Variants in ZNF570 observed in about 807,000 individuals in gnomAD.
ZNF570 encodes the protein zinc finger protein 570.
A neutral mutation model predicts 14.2 loss-of-function variants in ZNF570; 8 were observed. The ratio of observed to expected loss-of-function variants is 0.56; its 90% CI spans 0.33 to 1.02. ZNF570 has a LOEUF of 1.02. Ranked by LOEUF, ZNF570 falls within the 50% of genes least tolerant of loss-of-function variation. The pLI, the probability that ZNF570 is intolerant of heterozygous loss-of-function variation, is 0.03. For synonymous variants in ZNF570, 202 were observed against 207.6 expected, an observed-to-expected ratio of 0.97 and a Z score of 0.23; for missense variants, 559 against 624.9, an observed-to-expected ratio of 0.89 and a Z score of 1.12.
chr19:37,477,238 C>G (rs2042036120), intron 4 of ZNF570, among the ~76,000 whole-genome samples: 1 of 149,660 alleles, frequency 6.7e-6, no homozygotes, highest in African/African-American at 2.5e-5. Flanking sequence ...AAAGGAAAAA[C>G]AGGTTGCATG....
chr19:37,469,654 CTG>C lies in ZNF570; in HGVS notation c.-52+100_-52+101del, dbSNP rs1401166753. ...GTCAATGGCACCGTGGAATGTGAGGCTGTGAGTTGAGGCGGGAGCGGGCGACT... is the reference window on the plus strand; with the variant it reads ...GTCAATGGCACCGTGGAATGTGAGGCTGAGTTGAGGCGGGAGCGGGCGACT... On this transcript the variant is annotated intron_variant, in intron 1 of 4. Transcript: ENST00000330173. The C allele has an allele frequency of 2.3e-6, 3 of 1,284,174 alleles. No homozygotes were observed. The East Asian group carries it at 7.8e-5, about 33-fold the overall frequency. 79.5% of individuals were successfully genotyped at this position (1,284,174 alleles called of 1,614,324 possible).
At chr19:37,476,870 CA>C (rs1459418521) in intron 4 of ZNF570, among the ~76,000 whole-genome samples, 5 of 152,042 alleles carry the variant, frequency 3.3e-5, no homozygotes, top group African/African-American at 1.2e-4. Context: ...CCACCACGCC[CA>C]GCTAATTTTT....
At chr19:37,480,092 C>G (rs2042069633) in intron 4 of ZNF570, among the ~76,000 whole-genome samples, 1 of 152,176 alleles carries the variant, frequency 6.6e-6, no homozygotes, top group Non-Finnish European at 1.5e-5. Flanking sequence ...GTTTTACAAT[C>G]TATTTCTATT....
At chr19:37,480,901 A>T (rs1026394099) in intron 4 of ZNF570, among the ~76,000 whole-genome samples, 3 of 151,934 alleles carry the variant, frequency 2.0e-5, no homozygotes, top group Non-Finnish European at 4.4e-5. Context: ...GTGAGCTGAG[A>T]ACGTGCCACT....
chr19:37,469,428 C>T lies in ZNF570; in HGVS notation c.-181C>T, dbSNP rs1377984604. On this transcript the variant is annotated 5_prime_UTR_variant, in exon 1 of 5. Transcript: ENST00000330173. Reference sequence around the variant, plus strand: ...GCGGTGAGACCCGAGTGCAGATTCCCCGAGCCTTCGGGGCAGGAAGGAGAT... The same window carrying T: ...GCGGTGAGACCCGAGTGCAGATTCCTCGAGCCTTCGGGGCAGGAAGGAGAT... The T allele has an allele frequency of 6.5e-7, 1 of 1,532,942 alleles. No homozygotes were observed. Among genetic ancestry groups the T allele is most frequent in the Admixed American group, 2.0e-5 (1 of 50,842 alleles). 95.0% of individuals were successfully genotyped at this position (1,532,942 alleles called of 1,614,324 possible). A position where few individuals can be genotyped will look rare whatever the true frequency, so the allele number is the denominator to read the frequency against.
chr19:37,470,695 CTTTTTTTTT>C (rs760686313), intron 2 of ZNF570, among the ~76,000 whole-genome samples: 1 of 93,010 alleles, frequency 1.1e-5, no homozygotes, highest in Non-Finnish European at 2.1e-5. Flanking sequence ...CTTATTTATT[CTTTTTTTTT>C]TTTTTTTTTT....
At chr19:37,482,786 A>G (rs527511715) in intron 4 of ZNF570, among the ~76,000 whole-genome samples, 1 of 151,210 alleles carries the variant, frequency 6.6e-6, no homozygotes, top group Non-Finnish European at 1.5e-5. Context: ...AAGGGACCTG[A>G]TGGTTTAAAA....
At chr19:37,468,012 C>G, upstream of ZNF570, 1 of 1,318,972 alleles carries the variant, frequency 7.6e-7, no homozygotes, top group Non-Finnish European at 1.1e-6. Flanking sequence ...TCTAAACAGA[C>G]TTGGCCTTAC....
intron 4 of ZNF570, among the ~76,000 whole-genome samples, chr19:37,476,966 A>G (rs1285895869): frequency 2.0e-5 from 3 of 151,948 alleles, no homozygotes; most frequent in African/African-American, 7.2e-5. Flanking sequence ...TCAGCCTTCC[A>G]AAGTGCTGGC....
chr19:37,477,420 A>G (rs1600382346), intron 4 of ZNF570, among the ~76,000 whole-genome samples: 1 of 148,486 alleles, frequency 6.7e-6, no homozygotes, highest in Non-Finnish European at 1.5e-5. Flanking sequence ...GCTCACTGCA[A>G]CCTCTGCCTC....
At chr19:37,481,958 A>C (rs1042310283) in intron 4 of ZNF570, among the ~76,000 whole-genome samples, 6 of 152,268 alleles carry the variant, frequency 3.9e-5, no homozygotes, top group African/African-American at 1.4e-4. Context: ...TACCAGGAAG[A>C]TTTGTCATTA....
At position 37,487,823 on chromosome 19, in the gene ZNF570, A is replaced by G. The variant is rs1319011499; in HGVS notation, c.*2590A>G. On this transcript the variant is annotated 3_prime_UTR_variant, in exon 5 of 5. Transcript: ENST00000330173. ...TTTCGAATCTATTTGTAGAAACTGC[A>G]TATGATGATGGTTCATACCAGTAGA... The G allele has an allele frequency of 3.3e-5, 5 of 152,202 alleles. No homozygotes were observed. The East Asian group carries it at 7.7e-4, about 23-fold the overall frequency. The allele number at this position is 152,202 out of a possible 1,614,324, so 9.4% of individuals were successfully genotyped here. A position where few individuals can be genotyped will look rare whatever the true frequency, so the allele number is the denominator to read the frequency against.
Position 37,484,260 on chromosome 19 carries a change from C to T in ZNF570, c.638C>T (p.Ala213Val), listed in dbSNP as rs781231832. Residue 213 changes from alanine (A) to valine (V), a missense_variant, in exon 5 of 5, where the codon GCA (alanine) becomes GTA (valine). Transcript: ENST00000330173. ...LMAIKPKSVC[A>V]EKKLLKCNDC... is the part of the protein sequence containing the mutation. ...GCTATTAAGCCCAAGAGTGTCTGTG[C>T]AGAGAAGAAACTTTTGAAATGTAAT... The T allele has an allele frequency of 6.2e-7, 1 of 1,613,370 alleles. No homozygotes were observed. Among genetic ancestry groups the T allele is most frequent in the Non-Finnish European group, 8.5e-7 (1 of 1,179,892 alleles).
At chr19:37,479,312 G>A (rs2042060684) in intron 4 of ZNF570, among the ~76,000 whole-genome samples, 1 of 151,972 alleles carries the variant, frequency 6.6e-6, no homozygotes, top group Non-Finnish European at 1.5e-5. Flanking sequence ...TGAAATTGAA[G>A]GCTTTTGTTT....
chr19:37,476,848 T>G (rs1800180435), intron 4 of ZNF570, among the ~76,000 whole-genome samples: 1 of 151,912 alleles, frequency 6.6e-6, no homozygotes, highest in Admixed American at 6.6e-5. Flanking sequence ...GAGCTGGAAT[T>G]ACAGGCACAT....
rs1282881008 is a variant in ZNF570 at position 37,487,706 on chromosome 19, TG to T, written c.*2474del. ...GCCAAAATGTTTCAGTGGTTTTTTT[TG>T]TTTGTTGTTTTTGTTTTTGTTTTGC... is the stretch of plus-strand genomic sequence containing the variant. On this transcript the variant is annotated 3_prime_UTR_variant, in exon 5 of 5. Transcript: ENST00000330173. 2 of 152,234 alleles carry T rather than the reference TG, an allele frequency of 1.3e-5. No individual in the cohort carries two copies. The highest frequency in any genetic ancestry group is 4.8e-5 in the African/African-American group (2 of 41,462). The allele number at this position is 152,234 out of a possible 1,614,324, so 9.4% of individuals were successfully genotyped here. A position where few individuals can be genotyped will look rare whatever the true frequency, so the allele number is the denominator to read the frequency against.
upstream of ZNF570, chr19:37,469,165 G>A (rs2041907084): frequency 8.6e-7 from 1 of 1,167,894 alleles, no homozygotes; most frequent in Non-Finnish European, 1.1e-6. Flanking sequence ...CTGGAAGGCC[G>A]GGGAGAGGCC....
intron 1 of ZNF570, 36 bp from the exon 2 acceptor site, chr19:37,470,268 A>G (rs2146999723): frequency 1.3e-6 from 2 of 1,597,532 alleles, no homozygotes; most frequent in East Asian, 4.5e-5. Flanking sequence ...TGCTGCAAGA[A>G]AAGTCTAGTT....
chr19:37,483,973 C>T lies in ZNF570; in HGVS notation c.351C>T (p.Ser117=), dbSNP rs2042116204. The part of the protein sequence containing the change: ...QSQKIIETLT[S]YNLEYSSLRE... ...AGAAGATAATAGAAACACTTACAAG[C>T]TATAACCTTGAATACTCCAGTTTGA... is the stretch of plus-strand genomic sequence containing the variant. Residue 117 remains serine, a synonymous_variant, in exon 5 of 5, where the codon AGC becomes AGT. Transcript: ENST00000330173. 2 of 1,613,912 alleles carry T rather than the reference C, an allele frequency of 1.2e-6. No individual in the cohort carries two copies. Among genetic ancestry groups the T allele is most frequent in the South Asian group, 2.2e-5 (2 of 91,080 alleles).
Sources: allele counts gnomAD v4.1 joint callset (sites outside exome capture counted in the v4.1 genomes callset), GRCh38; gene constraint gnomAD v4.1.1; transcripts MANE v1.5; gene names NCBI Gene and HGNC (gene_info 2026-07-23, HGNC 2026-07-21).